POU6F2: variants seen among roughly 807,000 people sequenced by gnomAD.
POU6F2 encodes the protein POU class 6 homeobox 2, also known as POU domain, class 6, transcription factor 2.
In POU6F2, 31 loss-of-function variants were observed where a neutral mutation model predicts 71.3. The observed-to-expected ratio is 0.43, with a 90% CI of 0.33 to 0.59. The LOEUF (loss-of-function observed/expected upper bound fraction) is 0.59, where lower values mean the gene tolerates loss of function less well. Ranked by LOEUF, POU6F2 falls within the 20% of genes least tolerant of loss-of-function variation. The pLI is 0.04. For missense variants in POU6F2, 783 were observed against 856.8 expected (o/e 0.91, Z 1.07); for synonymous variants, 347 against 355.7 (o/e 0.98, Z 0.27).
At chr7:39,274,008 T>A (rs1784388381) in intron 4 of POU6F2, among the ~76,000 whole-genome samples, 1 of 152,186 alleles carries the variant, frequency 6.6e-6, no homozygotes, top group Non-Finnish European at 1.5e-5. Context: ...CAAATTTAAT[T>A]TATATAATGT....
intron 1 of POU6F2, among the ~76,000 whole-genome samples, chr7:39,020,282 G>A (rs780330415): frequency 2.0e-5 from 3 of 152,094 alleles, no homozygotes; most frequent in Non-Finnish European, 1.5e-5. Flanking sequence ...GGTCCAGGAA[G>A]GGATAAATCA....
chr7:39,424,670 G>T (rs990425399), intron 6 of POU6F2, among the ~76,000 whole-genome samples: 4 of 152,040 alleles, frequency 2.6e-5, no homozygotes, highest in South Asian at 2.1e-4. Flanking sequence ...TTATATTCAG[G>T]ATCAAATCCT....
chr7:39,432,750 C>T (rs1163240172), intron 6 of POU6F2, among the ~76,000 whole-genome samples: 1 of 152,120 alleles, frequency 6.6e-6, no homozygotes, highest in African/African-American at 2.4e-5. Flanking sequence ...CTGTGAGAAG[C>T]CCATCCTCCC....
chr7:39,044,390 T>C (rs1442354362), intron 1 of POU6F2, among the ~76,000 whole-genome samples: 3 of 151,960 alleles, frequency 2.0e-5, no homozygotes, highest in Non-Finnish European at 4.4e-5. Flanking sequence ...ACAGGGATTA[T>C]AGATATATTT....
At chr7:39,422,702 T>C (rs1255558024) in intron 6 of POU6F2, among the ~76,000 whole-genome samples, 2 of 152,180 alleles carry the variant, frequency 1.3e-5, no homozygotes, top group Admixed American at 1.3e-4. Flanking sequence ...GCCTGCCATG[T>C]CTACTCTCCA....
At chr7:39,410,400 G>T (rs1437419449) in intron 6 of POU6F2, among the ~76,000 whole-genome samples, 1 of 152,198 alleles carries the variant, frequency 6.6e-6, no homozygotes, top group Non-Finnish European at 1.5e-5. Flanking sequence ...ACTCTGAGGT[G>T]GGAAGGTAGC....
At chr7:39,073,050 A>G (rs1227041967) in intron 1 of POU6F2, among the ~76,000 whole-genome samples, 2 of 152,110 alleles carry the variant, frequency 1.3e-5, no homozygotes, top group Non-Finnish European at 2.9e-5. Flanking sequence ...TATGGTAGCT[A>G]ATGTTTCTAG....
intron 4 of POU6F2, among the ~76,000 whole-genome samples, chr7:39,283,425 C>T (rs1021539201): frequency 6.6e-6 from 1 of 152,120 alleles, no homozygotes; most frequent in Admixed American, 6.6e-5. Context: ...AAAAACTCCC[C>T]ATTCCCTCCA....
chr7:39,444,179 A>G (rs1032712634), intron 7 of POU6F2, among the ~76,000 whole-genome samples: 2 of 141,236 alleles, frequency 1.4e-5, no homozygotes, highest in Non-Finnish European at 3.0e-5. Flanking sequence ...TCTGAAATGT[A>G]AACAGTATTT....
intron 2 of POU6F2, among the ~76,000 whole-genome samples, chr7:39,149,723 ATTTGAGCCCTT>A (rs1359458280): frequency 3.3e-5 from 5 of 152,032 alleles, no homozygotes; most frequent in Non-Finnish European, 5.9e-5. Flanking sequence ...TTCTCTGTGT[ATTTGAGCCCTT>A]TATATATATG....
intron 2 of POU6F2, among the ~76,000 whole-genome samples, chr7:39,181,922 C>T (rs1793443807): frequency 2.0e-5 from 3 of 152,196 alleles, no homozygotes; most frequent in Admixed American, 6.5e-5. Context: ...CTTTCAGAAG[C>T]TTATTCCATC....
At chr7:39,242,850 C>G (rs1009871758) in intron 4 of POU6F2, among the ~76,000 whole-genome samples, 3 of 152,124 alleles carry the variant, frequency 2.0e-5, no homozygotes, top group African/African-American at 7.2e-5. Context: ...AATCTTCACA[C>G]CACCTCCATC....
At chr7:39,158,114 C>G (rs1435219878) in intron 2 of POU6F2, among the ~76,000 whole-genome samples, 1 of 152,140 alleles carries the variant, frequency 6.6e-6, no homozygotes, top group Non-Finnish European at 1.5e-5. Flanking sequence ...ATGTGGATAA[C>G]TATGTTCCAT....
intron 1 of POU6F2, among the ~76,000 whole-genome samples, chr7:39,014,745 C>T (rs951934413): frequency 6.6e-6 from 1 of 152,000 alleles, no homozygotes; most frequent in South Asian, 2.1e-4. Flanking sequence ...TTCTCCCCAC[C>T]AGACTTCCTC....
chr7:39,339,168 C>T, intron 4 of POU6F2, among the ~76,000 whole-genome samples: 1 of 150,878 alleles, frequency 6.6e-6, no homozygotes, highest in East Asian at 1.9e-4. Flanking sequence ...GAAAATGATA[C>T]CATTAATGAT....
intron 4 of POU6F2, among the ~76,000 whole-genome samples, chr7:39,223,136 G>C (rs1449537509): frequency 3.3e-5 from 5 of 152,136 alleles, no homozygotes; most frequent in Non-Finnish European, 7.3e-5. Context: ...TGGGTGTGAA[G>C]TGATATCTCA....
intron 2 of POU6F2, among the ~76,000 whole-genome samples, chr7:39,203,539 T>C (rs143050849): frequency 6.7e-4 from 102 of 152,308 alleles, no homozygotes; most frequent in Non-Finnish European, 1.1e-3. Context: ...ATAAAAGGGT[T>C]TGAAGGATTT....
At chr7:39,122,718 T>C (rs1584553690) in intron 2 of POU6F2, among the ~76,000 whole-genome samples, 1 of 151,054 alleles carries the variant, frequency 6.6e-6, no homozygotes, top group East Asian at 1.9e-4. Context: ...TTTTTTTTTT[T>C]TTTTTTGGAG....
intron 1 of POU6F2, among the ~76,000 whole-genome samples, chr7:39,068,963 C>T (rs1001668390): frequency 1.3e-5 from 2 of 152,124 alleles, no homozygotes; most frequent in African/African-American, 4.8e-5. Context: ...CTATATTTAA[C>T]CCCCTGACTC....
Sources: gnomAD v4.1 joint callset for allele counts (sites outside exome capture counted in the v4.1 genomes callset) on GRCh38, gnomAD v4.1.1 for gene constraint, MANE v1.5 for transcripts, NCBI Gene and HGNC (gene_info 2026-07-23, HGNC 2026-07-21) for gene names.